Variants in MOB4 observed in about 807,000 individuals in gnomAD.
MOB4 encodes the protein MOB-like protein phocein.
A neutral mutation model predicts 32.2 loss-of-function variants in MOB4; 4 were observed. The observed-to-expected ratio is 0.12, with a 90% CI of 0.06 to 0.28. The LOEUF (loss-of-function observed/expected upper bound fraction) is 0.28. Among genes scored for constraint, MOB4 ranks in the 10% least tolerant of loss-of-function variants. The pLI is 1.00. For missense variants in MOB4, 158 were observed against 271.2 expected (o/e 0.58, Z 2.93); for synonymous variants, 88 against 88.1 (o/e 1.00, Z 0.01).
intron 5 of MOB4, among the ~76,000 whole-genome samples, chr2:197,546,303 C>T (rs1574653955): frequency 6.6e-6 from 1 of 152,112 alleles, no homozygotes; most frequent in African/African-American, 2.4e-5. Context: ...CCTTGTGATC[C>T]ACCTGCCTCG....
At position 197,542,480 on chromosome 2, in the gene MOB4, A is replaced by G. The variant is rs570168338; in HGVS notation, c.354+2043A>G. The stretch of plus-strand genomic sequence containing the variant: ...AAACTAAGCTAAGAAAATTGCTCTC[A>G]TGGATTAAAATCACTAGGGAGATTC... On this transcript the variant is annotated intron_variant, in intron 5 of 7. Coordinates refer to ENST00000323303, the MANE Select transcript of MOB4 (RefSeq NM_015387.5). Among the ~76,000 whole-genome samples, 5 of 152,374 alleles carry G rather than the reference A, an allele frequency of 3.3e-5. No individual in the cohort carries two copies. The South Asian group carries it at 6.2e-4, about 19-fold the overall frequency.
At chr2:197,531,811 A>G (rs573654131) in intron 2 of MOB4, among the ~76,000 whole-genome samples, 12 of 150,976 alleles carry the variant, frequency 7.9e-5, no homozygotes, top group African/African-American at 2.9e-4. Context: ...CCAAAGTGCT[A>G]GGATTATAGG....
chr2:197,533,294 A>G (rs1327249973), intron 2 of MOB4, among the ~76,000 whole-genome samples: 2 of 152,178 alleles, frequency 1.3e-5, no homozygotes, highest in Non-Finnish European at 2.9e-5. Context: ...GTGATGTGGA[A>G]TTTGAGGTGG....
intron 1 of MOB4, chr2:197,516,421 C>G (rs1439390298): frequency 1.5e-6 from 2 of 1,349,202 alleles, no homozygotes; most frequent in Non-Finnish European, 1.9e-6. Flanking sequence ...GGCTGCGAGC[C>G]TGTCAGCAGC....
intron 1 of MOB4, 57 bp from the exon 2 acceptor site, chr2:197,523,567 T>A: frequency 6.5e-7 from 1 of 1,531,458 alleles, no homozygotes; most frequent in Admixed American, 2.0e-5. Flanking sequence ...TATTAAGAAT[T>A]GAAGTTAATC....
chr2:197,523,594 T>C (rs1331481219), intron 1 of MOB4, 30 bp from the exon 2 acceptor site: 2 of 1,596,654 alleles, frequency 1.3e-6, no homozygotes, highest in Admixed American at 1.8e-5. Context: ...GTATTTTGTA[T>C]GTGCTTTAAC....
At chr2:197,549,886 A>AAAAGG (rs2087067635) in intron 6 of MOB4, among the ~76,000 whole-genome samples, 1 of 151,706 alleles carries the variant, frequency 6.6e-6, no homozygotes. Flanking sequence ...AAAAGAAAAG[A>AAAAGG]AAAGGAAAGA....
At chr2:197,525,806 T>C (rs1333239686) in intron 2 of MOB4, among the ~76,000 whole-genome samples, 1 of 152,088 alleles carries the variant, frequency 6.6e-6, no homozygotes, top group Admixed American at 6.6e-5. Flanking sequence ...TTGTGGAAGA[T>C]AAAGGAATAT....
intron 1 of MOB4, among the ~76,000 whole-genome samples, chr2:197,519,011 G>A (rs1238504088): frequency 3.3e-5 from 5 of 151,952 alleles, no homozygotes; most frequent in Non-Finnish European, 5.9e-5. Context: ...GCCCGTCTCG[G>A]CCTCTGAAAG....
At chr2:197,516,036 C>G (rs1420282490), upstream of MOB4, 5 of 1,537,688 alleles carry the variant, frequency 3.3e-6, no homozygotes, top group South Asian at 6.0e-5. Context: ...CCCGCGCAGG[C>G]TGCCGTCCCT....
rs571246500 is a variant in MOB4 at position 197,553,623 on chromosome 2, T to C, written c.*2977T>C. On this transcript the variant is annotated 3_prime_UTR_variant, in exon 8 of 8. Transcript: ENST00000323303. ...GTATATACTTTATTTTGTGAATCCTTGTTGAATGTGCTAAAGGTTTCTTTG... is the reference window on the plus strand; with the variant it reads ...GTATATACTTTATTTTGTGAATCCTCGTTGAATGTGCTAAAGGTTTCTTTG... 2.6e-5 allele frequency: 4 copies of C among 152,344 alleles called. No homozygotes were observed. The highest frequency in any genetic ancestry group is 7.2e-5 in the African/African-American group (3 of 41,582). The allele number at this position is 152,344 out of a possible 1,614,324, so 9.4% of individuals were successfully genotyped here.
intron 2 of MOB4, among the ~76,000 whole-genome samples, chr2:197,528,459 A>G (rs897976034): frequency 2.0e-5 from 3 of 152,290 alleles, no homozygotes; most frequent in African/African-American, 4.8e-5. Context: ...ATCAATATAC[A>G]TTGAAAACCC....
At chr2:197,516,028 C>T (rs971808654), upstream of MOB4, 55 of 1,521,146 alleles carry the variant, frequency 3.6e-5, no homozygotes, top group African/African-American at 6.6e-4. Context: ...CCCCGCCCCC[C>T]GCGCAGGCTG....
At chr2:197,523,944 T>C (rs77654215) in intron 2 of MOB4, among the ~76,000 whole-genome samples, 275 of 152,376 alleles carry the variant, frequency 1.8e-3, no homozygotes, top group Middle Eastern at 3.4e-3. Context: ...TTTAAAAGTT[T>C]AGTCAACCCT....
chr2:197,517,820 T>C (rs1052740671), intron 1 of MOB4, among the ~76,000 whole-genome samples: 1 of 152,098 alleles, frequency 6.6e-6, no homozygotes, highest in Non-Finnish European at 1.5e-5. Context: ...TCCTTCCCTA[T>C]TGGGTCAAAA....
rs113426003 is a variant in MOB4, at chr2:197,548,587, C to T, written c.434+172C>T. On this transcript the variant is annotated intron_variant, in intron 6 of 7. Transcript: ENST00000323303. Reference sequence around the variant, plus strand: ...CATGTATACATATGTTACAAACCTGCACGTTGTGCACATGTACCCTAAAAC... The same window carrying T: ...CATGTATACATATGTTACAAACCTGTACGTTGTGCACATGTACCCTAAAAC... Among the ~76,000 whole-genome samples the T allele has an allele frequency of 9.2e-3, 1,399 of 152,112 alleles. 28 individuals are homozygous for T. The highest frequency in any genetic ancestry group is 0.032 in the African/African-American group (1,331 of 41,492).
chr2:197,547,778 A>G (rs1419048739), intron 5 of MOB4, among the ~76,000 whole-genome samples: 4 of 152,148 alleles, frequency 2.6e-5, no homozygotes, highest in African/African-American at 9.7e-5. Context: ...GAGGACAATT[A>G]CTTTGCAGTT....
Position 197,523,931 on chromosome 2 carries a change from C to T in MOB4, c.123+245C>T, listed in dbSNP as rs988925562. ...AGATTCCACTGAATTAATGGAATGC[C>T]TATTTAAAAGTTTAGTCAACCCTCA... On this transcript the variant is annotated intron_variant, in intron 2 of 7. Coordinates refer to ENST00000323303, the MANE Select transcript of MOB4 (RefSeq NM_015387.5). Among the ~76,000 whole-genome samples, 114 of 152,306 alleles carry T rather than the reference C, an allele frequency of 7.5e-4. 1 individual carries two copies. The highest frequency in any genetic ancestry group is 2.6e-3 in the African/African-American group (108 of 41,564).
intron 2 of MOB4, among the ~76,000 whole-genome samples, chr2:197,534,605 C>T (rs573869451): frequency 2.0e-5 from 3 of 152,186 alleles, no homozygotes; most frequent in African/African-American, 7.2e-5. Context: ...TGCAGTGGCA[C>T]GATCTTGGTT....
Sources: gnomAD v4.1 joint callset for allele counts (sites outside exome capture counted in the v4.1 genomes callset) on GRCh38, gnomAD v4.1.1 for gene constraint, MANE v1.5 for transcripts, NCBI Gene and HGNC (gene_info 2026-07-23, HGNC 2026-07-21) for gene names.